PCDHGB3: variants seen among roughly 807,000 people sequenced by gnomAD.
PCDHGB3 encodes the protein protocadherin gamma subfamily B, 3, also known as protocadherin gamma-B3.
In PCDHGB3, 40 loss-of-function variants were observed where a neutral mutation model predicts 59.2. The ratio of observed to expected loss-of-function variants is 0.68; its 90% CI spans 0.52 to 0.88. The LOEUF (loss-of-function observed/expected upper bound fraction) is 0.88, where lower values mean the gene tolerates loss of function less well. Among genes scored for constraint, PCDHGB3 ranks in the 40% least tolerant of loss-of-function variants. The pLI is 0.00. For missense variants in PCDHGB3, 1,309 were observed against 1,187.9 expected (o/e 1.10, Z -1.50); for synonymous variants, 581 against 503.6 (o/e 1.15, Z -2.06).
intron 1 of PCDHGB3, chr5:141,376,199 G>A: frequency 6.2e-7 from 1 of 1,614,162 alleles, no homozygotes; most frequent in Non-Finnish European, 8.5e-7. Flanking sequence ...CGTCTTCCTG[G>A]CCTTCGTCAT....
Position 141,505,473 on chromosome 5 carries a change from C to T in PCDHGB3, c.2555C>T (p.Ser852Phe). The change falls in exon 3 of 4, where the codon TCC (serine) becomes TTC (phenylalanine). Residue 852 changes from serine to phenylalanine, a missense_variant. Transcript: ENST00000576222. Reference sequence around the variant, plus strand: ...ATGCTGCAAGCCATGATCTTGGCGTCCGCCAGTGGTAAGTGGTGTCAGTGT... The same window carrying T: ...ATGCTGCAAGCCATGATCTTGGCGTTCGCCAGTGGTAAGTGGTGTCAGTGT... ...TEMLQAMILA[S>F]ASEAADGSST... is the part of the protein sequence containing the mutation. The T allele has an allele frequency of 6.2e-7, 1 of 1,614,188 alleles. No homozygotes were observed. Among genetic ancestry groups the T allele is most frequent in the Non-Finnish European group, 8.5e-7 (1 of 1,180,014 alleles).
chr5:141,404,215 G>A, intron 1 of PCDHGB3: 1 of 1,613,346 alleles, frequency 6.2e-7, no homozygotes, highest in Non-Finnish European at 8.5e-7. Context: ...ATAATATCAC[G>A]GTGACTGCAA....
chr5:141,487,256 G>A lies in PCDHGB3; in HGVS notation c.2416-7551G>A. ...ATCTCGTCTAACCCTCTACTTGGCTGTGTCCCTAGTGGCAATTTGCTTTGT... is the reference window on the plus strand; with the variant it reads ...ATCTCGTCTAACCCTCTACTTGGCTATGTCCCTAGTGGCAATTTGCTTTGT... On this transcript the variant is annotated intron_variant, in intron 1 of 3. Transcript: ENST00000576222. The surrounding 1 kb of genome is among the most constrained non-coding windows in gnomAD (Gnocchi z 5.0). The A allele has an allele frequency of 6.2e-7, 1 of 1,614,166 alleles. No individual in the cohort carries two copies. The highest frequency in any genetic ancestry group is 8.5e-7 in the Non-Finnish European group (1 of 1,180,032).
At chr5:141,390,486 G>A (rs1348752991) in intron 1 of PCDHGB3, 3 of 649,258 alleles carry the variant, frequency 4.6e-6, no homozygotes, top group Non-Finnish European at 7.7e-6. Context: ...ACATTTGTTT[G>A]TTTTTTAGCC....
chr5:141,423,141 G>A, intron 1 of PCDHGB3: 1 of 1,613,580 alleles, frequency 6.2e-7, no homozygotes, highest in Non-Finnish European at 8.5e-7. Context: ...ACAGAGACGC[G>A]CTCAAGCAGA....
At chr5:141,423,357 C>A in intron 1 of PCDHGB3, 1 of 1,614,214 alleles carries the variant, frequency 6.2e-7, no homozygotes, top group Non-Finnish European at 8.5e-7. Flanking sequence ...TCTTTGTCAT[C>A]GTGCTGCTGG....
Position 141,494,830 on chromosome 5 carries a change from G to C in PCDHGB3, c.2439G>C (p.Trp813Cys), listed in dbSNP as rs2099757104. Residue 813 changes from tryptophan (W) to cysteine (C), a missense_variant, in exon 2 of 4, where the codon TGG (tryptophan) becomes TGC (cysteine). Coordinates refer to ENST00000576222, the MANE Select transcript of PCDHGB3 (RefSeq NM_018924.5). ...AGCAAGCCCCGCCCAACACGGACTG[G>C]CGTTTCTCTCAGGCCCAGAGACCCG... The part of the protein sequence containing the change: ...LQKQAPPNTD[W>C]RFSQAQRPGT... 6.2e-7 allele frequency: 1 copy of C among 1,614,098 alleles called. No homozygotes were observed. The highest frequency in any genetic ancestry group is 2.2e-5 in the East Asian group (1 of 44,862).
chr5:141,370,963 G>T lies in PCDHGB3; in HGVS notation c.569G>T (p.Arg190Met), dbSNP rs1281017777. ...CAGAAGGAGAACCTGGATGGCAGTAGGTACCCAGAGCTAGTACTGAAAGCA... is the reference window on the plus strand; with the variant it reads ...CAGAAGGAGAACCTGGATGGCAGTATGTACCCAGAGCTAGTACTGAAAGCA... ...LIQKENLDGS[R>M]YPELVLKAPL... Residue 190 changes from arginine to methionine, a missense_variant, in exon 1 of 4, where the codon AGG becomes ATG. Physicochemically the swap from Arg to Met is moderately conservative, Grantham distance 91. Transcript: ENST00000576222. 1 of 1,614,018 alleles carries T rather than the reference G, an allele frequency of 6.2e-7. No individual in the cohort carries two copies. Among genetic ancestry groups the T allele is most frequent in the Non-Finnish European group, 8.5e-7 (1 of 1,179,886 alleles).
At position 141,510,947 on chromosome 5, in the gene PCDHGB3, A is replaced by C; in HGVS notation, c.2564A>C (p.Glu855Ala). Residue 855 changes from glutamate to alanine, a missense_variant and splice_region_variant, in exon 4 of 4, where the codon GAA (glutamate) becomes GCA (alanine). By Grantham distance (107) the Glu-to-Ala change is moderately radical. Transcript: ENST00000576222. ...ACCTGATCTTCCTCTGTCTCTGCAG[A>C]AGCTGCTGATGGGAGCTCCACCCTG... ...LQAMILASAS[E>A]AADGSSTLGG... The C allele has an allele frequency of 6.2e-7, 1 of 1,614,084 alleles. No individual in the cohort carries two copies. Among genetic ancestry groups the C allele is most frequent in the Non-Finnish European group, 8.5e-7 (1 of 1,180,000 alleles).
intron 1 of PCDHGB3, chr5:141,403,713 A>G (rs2094445702): frequency 2.5e-6 from 4 of 1,613,946 alleles, no homozygotes; most frequent in Non-Finnish European, 2.5e-6. Flanking sequence ...GTCCTTGAGA[A>G]CGTGCCCCCA....
rs772659046 is a variant in PCDHGB3 at position 141,426,970 on chromosome 5, A to C, written c.2415+54161A>C. On this transcript the variant is annotated intron_variant, in intron 1 of 3. Coordinates refer to ENST00000576222, the MANE Select transcript of PCDHGB3 (RefSeq NM_018924.5). Reference sequence around the variant, plus strand: ...ACTGGCACTGCTGCAATTCAAATTGAGGTCACTGATGCCAACGATAATGCC... The same window carrying C: ...ACTGGCACTGCTGCAATTCAAATTGCGGTCACTGATGCCAACGATAATGCC... 72 of 456,624 alleles carry C rather than the reference A, an allele frequency of 1.6e-4. No homozygotes were observed. In the Middle Eastern group the frequency reaches 1.6e-3, roughly 10 times the overall value. The allele number at this position is 456,624 out of a possible 1,614,324, so 28.3% of individuals were successfully genotyped here. A position where few individuals can be genotyped will look rare whatever the true frequency, so the allele number is the denominator to read the frequency against.
In PCDHGB3 at chr5:141,372,569, C is replaced by T. The variant is rs1768882362; in HGVS notation, c.2175C>T (p.Gly725=). The T allele has an allele frequency of 1.9e-6, 3 of 1,614,034 alleles. No individual in the cohort carries two copies. Among genetic ancestry groups the T allele is most frequent in the African/African-American group, 2.7e-5 (2 of 75,060 alleles). ...GCTCCTCCAGACCCGCCACTGAGGG[C>T]TACTTTCAGCCTGGTGTCTGCTTCA... The part of the protein sequence containing the change: ...LRCSSRPATE[G]YFQPGVCFKT... The change falls in exon 1 of 4, where the codon GGC becomes GGT. Residue 725 remains glycine, a synonymous_variant. Transcript: ENST00000576222.
chr5:141,428,354 T>G, intron 1 of PCDHGB3: 1 of 572,018 alleles, frequency 1.7e-6, no homozygotes. Context: ...GCAGTGATTT[T>G]GGCGGTCGCC....
chr5:141,480,273 G>A (rs2099516030), intron 1 of PCDHGB3, among the ~76,000 whole-genome samples: 1 of 151,956 alleles, frequency 6.6e-6, no homozygotes, highest in Non-Finnish European at 1.5e-5. Flanking sequence ...TCATTAGCTG[G>A]GTGTGTTGGC....
intron 1 of PCDHGB3, chr5:141,419,468 C>T: frequency 6.2e-7 from 1 of 1,612,484 alleles, no homozygotes; most frequent in Non-Finnish European, 8.5e-7. Flanking sequence ...GGCCCGCGAC[C>T]AGGGCTCGCC....
chr5:141,372,265 G>C lies in PCDHGB3; in HGVS notation c.1871G>C (p.Gly624Ala). 1.5e-5 allele frequency: 25 copies of C among 1,613,132 alleles called. No homozygotes were observed. The highest frequency in any genetic ancestry group is 2.1e-5 in the Non-Finnish European group (25 of 1,179,790). Residue 624 changes from glycine to alanine, a missense_variant, in exon 1 of 4, where the codon GGT becomes GCT. Physicochemically the swap from Gly to Ala is moderately conservative, Grantham distance 60. Coordinates refer to ENST00000576222, the MANE Select transcript of PCDHGB3 (RefSeq NM_018924.5). ...CTGTTCAGCCTGGGCCTGCGCACGG[G>C]TGAGGTGCGCACGGCGCGTACCTTG... ...PGLFSLGLRT[G>A]EVRTARTLGD...
At position 141,371,629 on chromosome 5, in the gene PCDHGB3, G is replaced by C. The variant is rs749054700; in HGVS notation, c.1235G>C (p.Arg412Pro). 36 of 1,613,866 alleles carry C rather than the reference G, an allele frequency of 2.2e-5. No homozygotes were observed. The highest frequency in any genetic ancestry group is 1.6e-4 in the Middle Eastern group (1 of 6,084). The change falls in exon 1 of 4, where the codon CGG (arginine) becomes CCG (proline). Residue 412 changes from arginine (R) to proline (P), a missense_variant. Arg to Pro is a moderately radical substitution (Grantham distance 103, BLOSUM62 -2). Transcript: ENST00000576222. ...TTGGTGACAGATGGAGCCCTGGACC[G>C]GGAGCAGATCCCAGAATACAATGTG... ...YRLVTDGALD[R>P]EQIPEYNVTI...
Position 141,432,466 on chromosome 5 carries a change from G to A in PCDHGB3, c.2415+59657G>A, listed in dbSNP as rs149116648. 5.7e-4 allele frequency: 913 copies of A among 1,614,208 alleles called. 6 individuals carry two copies. In the African/African-American group the frequency reaches 0.011, roughly 19 times the overall value. On this transcript the variant is annotated intron_variant, in intron 1 of 3. Transcript: ENST00000576222. This position sits in a 1 kb window ranked among gnomAD's most constrained non-coding sequence, Gnocchi z 6.0. The stretch of plus-strand genomic sequence containing the variant: ...AGATCCTGTACCCCGCCCTCCCCAC[G>A]GACGGTTCCACTGGCGTGGAGCTGG...
chr5:141,418,985 T>G, intron 1 of PCDHGB3: 1 of 1,613,882 alleles, frequency 6.2e-7, no homozygotes, highest in Non-Finnish European at 8.5e-7. Context: ...GGACCAAGAC[T>G]CAGGGGAAAA....
Sources: allele counts gnomAD v4.1 joint callset (sites outside exome capture counted in the v4.1 genomes callset), GRCh38; gene constraint gnomAD v4.1.1; non-coding constraint Gnocchi (gnomAD v3.1); transcripts MANE v1.5; gene names NCBI Gene and HGNC (gene_info 2026-07-23, HGNC 2026-07-21).